The following DCHS2 variants were observed in gnomAD, a reference collection of about 807,000 sequenced individuals.
The protein encoded by DCHS2 is protocadherin-23.
A neutral mutation model predicts 182.4 loss-of-function variants in DCHS2; 142 were observed. The observed-to-expected ratio is 0.78, with a 90% confidence interval of 0.68 to 0.89. DCHS2 has a LOEUF of 0.89. DCHS2 is among the 40% of genes least tolerant of loss of function. The probability of loss-of-function intolerance (pLI) is 0.00; values close to 1 mark genes in which losing one functional copy is unlikely to be tolerated. For synonymous variants in DCHS2, 1,740 were observed against 1,663.3 expected (o/e 1.05, Z -1.12); for missense variants, 4,319 against 4,198.6 (o/e 1.03, Z -0.79).
intron 7 of DCHS2, among the ~76,000 whole-genome samples, chr4:154,327,121 G>GAC (rs757385616): frequency 9.2e-5 from 14 of 152,008 alleles, no homozygotes; most frequent in Non-Finnish European, 1.8e-4. Context: ...GCCCCTAATA[G>GAC]AGACAGATCC....
Position 154,491,534 on chromosome 4 carries a change from C to T in DCHS2, c.-179G>A. On this transcript the variant is annotated 5_prime_UTR_variant, in exon 1 of 20. Transcript: ENST00000357232. ...CTGCAACTGGTGAAAGCGTCCTCTGCCTGCAGCTCACGCAGACAGGGAAGT... is the reference window on the plus strand; with the variant it reads ...CTGCAACTGGTGAAAGCGTCCTCTGTCTGCAGCTCACGCAGACAGGGAAGT... 7.2e-7 allele frequency: 1 copy of T among 1,392,564 alleles called. No homozygotes were observed. The highest frequency in any genetic ancestry group is 9.3e-7 in the Non-Finnish European group (1 of 1,079,906). 86.3% of individuals were successfully genotyped at this position (1,392,564 alleles called of 1,614,324 possible). A position where few individuals can be genotyped will look rare whatever the true frequency, so the allele number is the denominator to read the frequency against.
At chr4:154,427,730 G>A (rs763913352) in intron 1 of DCHS2, among the ~76,000 whole-genome samples, 7 of 152,186 alleles carry the variant, frequency 4.6e-5, no homozygotes, top group Non-Finnish European at 1.0e-4. Context: ...CCTGATGAGA[G>A]CAAAGGCTCT....
chr4:154,437,367 C>A (rs1367444859), intron 1 of DCHS2, among the ~76,000 whole-genome samples: 1 of 152,104 alleles, frequency 6.6e-6, no homozygotes, highest in Non-Finnish European at 1.5e-5. Context: ...GGATGGGAAA[C>A]ATAAATTCAG....
At chr4:154,372,162 G>T (rs929730351) in intron 2 of DCHS2, among the ~76,000 whole-genome samples, 5 of 152,170 alleles carry the variant, frequency 3.3e-5, no homozygotes, top group African/African-American at 1.2e-4. Context: ...CTAAGATATG[G>T]TCCAGGCAAT....
intron 13 of DCHS2, among the ~76,000 whole-genome samples, chr4:154,289,502 A>G (rs1201961345): frequency 6.6e-6 from 1 of 152,086 alleles, no homozygotes; most frequent in African/African-American, 2.4e-5. Context: ...GAATTTTACC[A>G]AACATTTACA....
chr4:154,415,595 G>T (rs1364421955), intron 1 of DCHS2, among the ~76,000 whole-genome samples: 1 of 152,182 alleles, frequency 6.6e-6, no homozygotes, highest in Non-Finnish European at 1.5e-5. Context: ...GGTACTGGGG[G>T]AAAGACAGAA....
At position 154,361,661 on chromosome 4, in the gene DCHS2, G is replaced by A. The variant is rs75553199; in HGVS notation, c.2476+4549C>T. On this transcript the variant is annotated intron_variant, in intron 3 of 19. Coordinates refer to ENST00000357232, the MANE Select transcript of DCHS2 (RefSeq NM_001358235.2). ...GCGCCTAAACACATTTTACAAAAAT[G>A]TTCTTTGAACCAGCAACAAACCCAG... Among the ~76,000 whole-genome samples the A allele has an allele frequency of 4.4e-3, 662 of 152,098 alleles. 38 individuals carry two copies. The East Asian group carries it at 0.11, about 25-fold the overall frequency.
chr4:154,311,398 A>AT (rs201282791), intron 10 of DCHS2, among the ~76,000 whole-genome samples: 1 of 149,492 alleles, frequency 6.7e-6, no homozygotes. Context: ...TACCCAACAA[A>AT]TTTTTATATT....
chr4:154,343,436 T>G, intron 3 of DCHS2: 1 of 1,371,798 alleles, frequency 7.3e-7, no homozygotes, highest in African/African-American at 1.4e-5. Flanking sequence ...CTGTTTCATC[T>G]ACATTGAAAA....
chr4:154,481,446 G>T (rs937554412), intron 1 of DCHS2, among the ~76,000 whole-genome samples: 1 of 151,492 alleles, frequency 6.6e-6, no homozygotes, highest in Admixed American at 6.6e-5. Flanking sequence ...ATTTTTTGTA[G>T]AGGTTTTGCT....
chr4:154,392,620 T>C (rs1560731202), intron 1 of DCHS2, among the ~76,000 whole-genome samples: 2 of 152,320 alleles, frequency 1.3e-5, no homozygotes, highest in South Asian at 2.1e-4. Context: ...ATTCTCAATT[T>C]AGCAGCTTTG....
At chr4:154,485,300 A>G (rs1728548233) in intron 1 of DCHS2, among the ~76,000 whole-genome samples, 1 of 152,202 alleles carries the variant, frequency 6.6e-6, no homozygotes, top group South Asian at 2.1e-4. Context: ...AGATGCATGC[A>G]AGAAAGAGGA....
At chr4:154,455,577 G>C (rs1734728615) in intron 1 of DCHS2, among the ~76,000 whole-genome samples, 1 of 152,158 alleles carries the variant, frequency 6.6e-6, no homozygotes, top group Non-Finnish European at 1.5e-5. Flanking sequence ...AATCACTTCT[G>C]GTGGAATTTT....
At chr4:154,277,630 C>CAAAAAAAA (rs35543228) in intron 13 of DCHS2, among the ~76,000 whole-genome samples, 5 of 102,498 alleles carry the variant, frequency 4.9e-5, no homozygotes, top group Non-Finnish European at 6.0e-5. Flanking sequence ...GAAATCACAC[C>CAAAAAAAA]AAAAAAAAAA....
chr4:154,310,588 G>A (rs916518354), intron 10 of DCHS2, among the ~76,000 whole-genome samples: 1 of 152,186 alleles, frequency 6.6e-6, no homozygotes, highest in South Asian at 2.1e-4. Flanking sequence ...GATATTAGAA[G>A]GCCATCAGCA....
chr4:154,391,991 G>T (rs1731729607), intron 1 of DCHS2, among the ~76,000 whole-genome samples: 1 of 152,118 alleles, frequency 6.6e-6, no homozygotes, highest in African/African-American at 2.4e-5. Context: ...ATACTAACAG[G>T]TGTTCTCTCT....
At chr4:154,314,735 A>G (rs1735791161) in intron 10 of DCHS2, among the ~76,000 whole-genome samples, 1 of 152,212 alleles carries the variant, frequency 6.6e-6, no homozygotes, top group Non-Finnish European at 1.5e-5. Context: ...AAAATATTAC[A>G]TTGATATATA....
intron 1 of DCHS2, among the ~76,000 whole-genome samples, chr4:154,417,196 TGTGTGTGTGAGAGAGAGA>T (rs1560745763): frequency 5.5e-4 from 37 of 67,032 alleles, no homozygotes; most frequent in Non-Finnish European, 9.3e-4. Context: ...TGTGTGTGTG[TGTGTGTGTGAGAGAGAGA>T]GAGAGAGAGA....
At chr4:154,401,695 C>A (rs1732189511) in intron 1 of DCHS2, among the ~76,000 whole-genome samples, 1 of 152,164 alleles carries the variant, frequency 6.6e-6, no homozygotes, top group Non-Finnish European at 1.5e-5. Flanking sequence ...TGCACTGTCT[C>A]AAAAGTGCCA....
Sources: allele counts gnomAD v4.1 joint callset (sites outside exome capture counted in the v4.1 genomes callset), GRCh38; gene constraint gnomAD v4.1.1; transcripts MANE v1.5; gene names NCBI Gene and HGNC (gene_info 2026-07-23, HGNC 2026-07-21).